OCA2: variants seen among roughly 807,000 people sequenced by gnomAD.
OCA2 encodes P protein.
In OCA2, 77 loss-of-function variants were observed where a neutral mutation model predicts 100.2. The observed-to-expected ratio is 0.77, with a 90% CI of 0.64 to 0.93. The LOEUF (loss-of-function observed/expected upper bound fraction) is 0.93. OCA2 is among the 40% of genes least tolerant of loss of function. The pLI is 0.00. For missense variants in OCA2, 1,062 were observed against 1,089.1 expected (o/e 0.98, Z 0.35); for synonymous variants, 432 against 439.2 (o/e 0.98, Z 0.21).
At chr15:28,046,654 A>G (rs964962574) in intron 2 of OCA2, among the ~76,000 whole-genome samples, 5 of 152,308 alleles carry the variant, frequency 3.3e-5, no homozygotes, top group Admixed American at 3.3e-4. Flanking sequence ...GGAAGGGGCA[A>G]CCAACCATGC....
intron 23 of OCA2, among the ~76,000 whole-genome samples, chr15:27,759,251 G>A (rs1175778478): frequency 6.6e-6 from 1 of 152,048 alleles, no homozygotes; most frequent in Non-Finnish European, 1.5e-5. Flanking sequence ...ACTCTCAGAT[G>A]AAGAAAAACT....
chr15:27,814,351 A>T (rs765147059), intron 23 of OCA2, among the ~76,000 whole-genome samples: 3 of 152,242 alleles, frequency 2.0e-5, no homozygotes, highest in African/African-American at 4.8e-5. Context: ...GATAATGGAG[A>T]TATATTTAAG....
Position 27,985,165 on chromosome 15 carries a change from C to A in OCA2, c.1263G>T (p.Arg421=), listed in dbSNP as rs2041310209. The stretch of plus-strand genomic sequence containing the variant: ...AGAGCATGATGATCATGGCCCACAC[C>A]CGTCCCCGGGAGAGCCGGTATGCCT... The part of the protein sequence containing the change: ...AVKAYRLSRG[R]VWAMIIMLCL... The change falls in exon 13 of 24, where the codon CGG becomes CGT. Residue 421 remains arginine (R), a synonymous_variant. Coordinates refer to ENST00000354638, the MANE Select transcript of OCA2 (RefSeq NM_000275.3). 1 of 1,613,884 alleles carries A rather than the reference C, an allele frequency of 6.2e-7. No homozygotes were observed. The highest frequency in any genetic ancestry group is 8.5e-7 in the Non-Finnish European group (1 of 1,179,968).
At chr15:27,954,418 C>T (rs927157842) in intron 17 of OCA2, among the ~76,000 whole-genome samples, 4 of 152,152 alleles carry the variant, frequency 2.6e-5, no homozygotes, top group African/African-American at 7.2e-5. Flanking sequence ...CACTGAGGCA[C>T]CTCATCAGAT....
intron 18 of OCA2, among the ~76,000 whole-genome samples, chr15:27,939,926 C>A (rs564425500): frequency 6.6e-6 from 1 of 152,192 alleles, no homozygotes; most frequent in African/African-American, 2.4e-5. Flanking sequence ...CTGTGGTCCT[C>A]GGGAACCACC....
chr15:27,875,563 A>G (rs1356772552), intron 19 of OCA2, among the ~76,000 whole-genome samples: 1 of 152,096 alleles, frequency 6.6e-6, no homozygotes, highest in African/African-American at 2.4e-5. Context: ...TTCAATTTTT[A>G]TTACAATTGC....
the OCA2 span, among the ~76,000 whole-genome samples, chr15:27,736,151 CAT>C: frequency 2.6e-5 from 4 of 152,120 alleles, no homozygotes; most frequent in African/African-American, 7.2e-5. Flanking sequence ...TATAAGTGTA[CAT>C]GTTATATTCA....
the OCA2 span, among the ~76,000 whole-genome samples, chr15:27,722,616 C>T: frequency 8.1e-6 from 1 of 123,504 alleles, no homozygotes; most frequent in Non-Finnish European, 1.8e-5. Flanking sequence ...TCTTTCCCTT[C>T]CTTCCTCCCT....
At chr15:28,037,018 C>A (rs1322232548) in intron 2 of OCA2, among the ~76,000 whole-genome samples, 5 of 152,124 alleles carry the variant, frequency 3.3e-5, no homozygotes, top group African/African-American at 1.2e-4. Flanking sequence ...TCCACAGATT[C>A]TCCAAGGGAT....
At chr15:27,996,010 A>C (rs1032053307) in intron 9 of OCA2, among the ~76,000 whole-genome samples, 1 of 151,970 alleles carries the variant, frequency 6.6e-6, no homozygotes, top group African/African-American at 2.4e-5. Context: ...ACGGGGTTTC[A>C]CTGTGTTGGC....
chr15:27,722,652 TTCTC>T, the OCA2 span, among the ~76,000 whole-genome samples: 20 of 94,142 alleles, frequency 2.1e-4, no homozygotes, highest in Admixed American at 2.3e-3. Flanking sequence ...CTTCCTTCTT[TTCTC>T]TCTTTCTTTC....
intron 2 of OCA2, among the ~76,000 whole-genome samples, chr15:28,076,778 C>T (rs1386107240): frequency 1.1e-4 from 16 of 141,204 alleles, no homozygotes; most frequent in South Asian, 6.8e-4. Context: ...ACCCGGGAAG[C>T]GGAGCTTGCA....
chr15:28,082,055 A>G (rs2044652498), intron 1 of OCA2, among the ~76,000 whole-genome samples, 160 bp from the exon 2 acceptor site: 2 of 152,312 alleles, frequency 1.3e-5, no homozygotes, highest in South Asian at 4.1e-4. Context: ...TGAGAAGTGA[A>G]GCCAGCTGGA....
chr15:27,984,932 A>AAG, intron 13 of OCA2, 132 bp downstream of exon 13: 6 of 1,014,262 alleles, frequency 5.9e-6, no homozygotes, highest in Non-Finnish European at 9.0e-6. Context: ...ACTGGAATGC[A>AAG]GTGAGCTGTG....
intron 23 of OCA2, among the ~76,000 whole-genome samples, chr15:27,771,665 C>T (rs1476135444): frequency 6.6e-6 from 1 of 152,176 alleles, no homozygotes; most frequent in African/African-American, 2.4e-5. Flanking sequence ...ACATGTTTTT[C>T]CAGAAAATCA....
chr15:27,969,225 T>C (rs1182053929), intron 14 of OCA2, among the ~76,000 whole-genome samples: 3 of 146,350 alleles, frequency 2.0e-5, no homozygotes, highest in African/African-American at 7.6e-5. Flanking sequence ...GATGAGTAGA[T>C]AAAAGAAAAA....
At chr15:28,034,053 G>A (rs560458792) in intron 2 of OCA2, among the ~76,000 whole-genome samples, 76 of 152,256 alleles carry the variant, frequency 5.0e-4, no homozygotes, top group Non-Finnish European at 8.4e-4. Context: ...TCCCAGCAAG[G>A]TGGGAGGATT....
intron 15 of OCA2, among the ~76,000 whole-genome samples, chr15:27,962,366 T>C (rs1339749931): frequency 6.6e-6 from 1 of 152,212 alleles, no homozygotes; most frequent in Non-Finnish European, 1.5e-5. Flanking sequence ...TCAGCCTCTA[T>C]CTTTCTGAGC....
intron 19 of OCA2, among the ~76,000 whole-genome samples, chr15:27,873,708 A>G (rs1363451863): frequency 6.6e-6 from 1 of 152,250 alleles, no homozygotes; most frequent in East Asian, 1.9e-4. Context: ...GTAAGACAAA[A>G]TAAAGTAAAA....
Sources: allele counts gnomAD v4.1 joint callset (sites outside exome capture counted in the v4.1 genomes callset), GRCh38; gene constraint gnomAD v4.1.1; transcripts MANE v1.5; gene names NCBI Gene and HGNC (gene_info 2026-07-23, HGNC 2026-07-21).